The following CHRM2 variants were observed in gnomAD, a reference collection of about 807,000 sequenced individuals.
CHRM2 encodes the protein cholinergic receptor muscarinic 2.
CHRM2 carries 8 observed loss-of-function variants against 25.0 expected under a neutral mutation model. That is an observed-to-expected ratio of 0.32 (90% CI 0.19 to 0.58). The LOEUF (loss-of-function observed/expected upper bound fraction) is 0.58. Among genes scored for constraint, CHRM2 ranks in the 20% least tolerant of loss-of-function variants. CHRM2 has a pLI of 0.88. For synonymous variants in CHRM2, 202 were observed against 205.7 expected, an observed-to-expected ratio of 0.98 and a Z score of 0.15; for missense variants, 440 against 567.1, an observed-to-expected ratio of 0.78 and a Z score of 2.28.
At chr7:136,931,458 T>A (rs1189405147) in intron 2 of CHRM2, among the ~76,000 whole-genome samples, 3 of 152,196 alleles carry the variant, frequency 2.0e-5, no homozygotes, top group Non-Finnish European at 4.4e-5. Context: ...CCTGGAGCTA[T>A]GAAGATACCT....
Position 136,961,103 on chromosome 7 carries a change from C to T in CHRM2, c.-124-31084C>T, listed in dbSNP as rs144825896. Among the ~76,000 whole-genome samples, 6 of 151,480 alleles carry T rather than the reference C, an allele frequency of 4.0e-5. No individual in the cohort carries two copies. In the East Asian group the frequency reaches 5.8e-4, roughly 15 times the overall value. On this transcript the variant is annotated intron_variant, in intron 2 of 3. Transcript: ENST00000680005. ...TGGCGCCACTGCACTCCGGCCTGGA[C>T]GACAGAGCTAGACTTCATTAAAAAA...
chr7:136,887,571 C>G (rs901829193), intron 2 of CHRM2, among the ~76,000 whole-genome samples: 1 of 152,166 alleles, frequency 6.6e-6, no homozygotes, highest in South Asian at 2.1e-4. Flanking sequence ...ACAATTAATT[C>G]TCCAGAGAAG....
intron 3 of CHRM2, among the ~76,000 whole-genome samples, chr7:137,004,547 AAG>A (rs751672582): frequency 9.2e-5 from 14 of 152,200 alleles, no homozygotes; most frequent in South Asian, 2.1e-4. Context: ...AGGTCTTCGG[AAG>A]AGAGGGTGGG....
intron 2 of CHRM2, among the ~76,000 whole-genome samples, chr7:136,984,934 G>A (rs1036632020): frequency 6.6e-6 from 1 of 152,066 alleles, no homozygotes; most frequent in Non-Finnish European, 1.5e-5. Context: ...ATACATCAGT[G>A]TGCATTATGG....
At chr7:136,925,390 T>C (rs967847165) in intron 2 of CHRM2, among the ~76,000 whole-genome samples, 8 of 152,118 alleles carry the variant, frequency 5.3e-5, no homozygotes, top group Admixed American at 4.6e-4. Context: ...TTAGAGAAAT[T>C]TGGGGCTCAA....
intron 2 of CHRM2, among the ~76,000 whole-genome samples, chr7:136,898,509 G>T (rs944303644): frequency 3.6e-5 from 3 of 83,584 alleles, no homozygotes; most frequent in African/African-American, 4.9e-5. Flanking sequence ...ATGTGTGTTT[G>T]CATGTGTGTG....
intron 2 of CHRM2, among the ~76,000 whole-genome samples, chr7:136,939,355 T>G (rs530258233): frequency 3.9e-5 from 6 of 152,388 alleles, no homozygotes; most frequent in African/African-American, 1.4e-4. Context: ...CACTTGAGAT[T>G]AACAGACTTG....
chr7:136,968,414 G>T (rs1392498475), intron 2 of CHRM2, among the ~76,000 whole-genome samples: 1 of 151,400 alleles, frequency 6.6e-6, no homozygotes, highest in African/African-American at 2.4e-5. Flanking sequence ...GGGAACCCTT[G>T]TATGCTGTTG....
intron 2 of CHRM2, among the ~76,000 whole-genome samples, chr7:136,946,625 G>C (rs1800089624): frequency 6.6e-6 from 1 of 152,152 alleles, no homozygotes; most frequent in South Asian, 2.1e-4. Flanking sequence ...TCCCAATACA[G>C]AATGTATACT....
intron 2 of CHRM2, among the ~76,000 whole-genome samples, chr7:136,886,450 C>T (rs1796467789): frequency 6.6e-6 from 1 of 152,214 alleles, no homozygotes; most frequent in Non-Finnish European, 1.5e-5. Context: ...GACTCAGATT[C>T]TTGCCACTAG....
intron 2 of CHRM2, among the ~76,000 whole-genome samples, chr7:136,928,906 C>G (rs1798896104): frequency 2.6e-5 from 4 of 152,130 alleles, no homozygotes. Context: ...TAGCAGCTAT[C>G]TCACAGGGTT....
At chr7:136,947,944 T>C (rs1235608318) in intron 2 of CHRM2, among the ~76,000 whole-genome samples, 7 of 152,164 alleles carry the variant, frequency 4.6e-5, no homozygotes, top group Non-Finnish European at 1.0e-4. Flanking sequence ...AATTTGAGAA[T>C]GGCAGTGAAG....
At chr7:136,918,645 C>G (rs908871309) in intron 2 of CHRM2, among the ~76,000 whole-genome samples, 1 of 152,024 alleles carries the variant, frequency 6.6e-6, no homozygotes, top group South Asian at 2.1e-4. Context: ...AGGTTGGTCT[C>G]AAACTCCTGG....
In CHRM2 at chr7:136,961,081, C is replaced by T. The variant is rs151128948; in HGVS notation, c.-124-31106C>T. 5.8e-3 allele frequency among the ~76,000 whole-genome samples: 880 copies of T among 151,856 alleles called. 9 individuals carry two copies. The highest frequency in any genetic ancestry group is 0.02 in the African/African-American group (815 of 41,364). ...TGGAGATTGCAGCGAGCCAAGATGG[C>T]GCCACTGCACTCCGGCCTGGACGAC... On this transcript the variant is annotated intron_variant, in intron 2 of 3. Transcript: ENST00000680005.
chr7:137,007,215 A>G (rs4341110), intron 3 of CHRM2, among the ~76,000 whole-genome samples: 38,897 of 151,988 alleles, frequency 0.26, 5,966 homozygotes, highest in Non-Finnish European at 0.35. Flanking sequence ...GTTGCTTAGC[A>G]TGATATTGGG....
rs1805101673 is a variant in CHRM2, at chr7:137,015,377, T to G, written c.512T>G (p.Val171Gly). Residue 171 changes from valine (V) to glycine (G), a missense_variant, in exon 4 of 4, where the codon GTG becomes GGG. Physicochemically the swap from Val to Gly is moderately radical, Grantham distance 109 (BLOSUM62 -3). This residue lies in a region of CHRM2 where 261 missense variants were observed against 261.8 expected (regional missense o/e 1.00). Transcript: ENST00000680005. The surrounding 1 kb of genome is among the most constrained non-coding windows in gnomAD (Gnocchi z 5.1). ...FWQFIVGVRT[V>G]EDGECYIQFF... ...CAGTTCATTGTAGGGGTGAGAACTG[T>G]GGAGGATGGGGAGTGCTACATTCAG... 1 of 1,613,454 alleles carries G rather than the reference T, an allele frequency of 6.2e-7. No homozygotes were observed. The highest frequency in any genetic ancestry group is 8.5e-7 in the Non-Finnish European group (1 of 1,179,630).
chr7:136,983,157 T>C (rs1802601610), intron 2 of CHRM2, among the ~76,000 whole-genome samples: 3 of 152,314 alleles, frequency 2.0e-5, no homozygotes, highest in African/African-American at 7.2e-5. Flanking sequence ...TTCTTTTTAC[T>C]CTAATCTTGT....
chr7:136,994,521 C>CT (rs757243972), intron 3 of CHRM2, among the ~76,000 whole-genome samples: 1,932 of 71,402 alleles, frequency 0.027, 139 homozygotes, highest in Non-Finnish European at 0.038. Flanking sequence ...TTTTTCTTTT[C>CT]TTTTTTTTTT....
At chr7:136,934,041 G>A (rs1322173443) in intron 2 of CHRM2, among the ~76,000 whole-genome samples, 1 of 152,142 alleles carries the variant, frequency 6.6e-6, no homozygotes, top group East Asian at 1.9e-4. Context: ...CTCTGTGACT[G>A]TACTAAGAAA....
Sources: allele counts gnomAD v4.1 joint callset (sites outside exome capture counted in the v4.1 genomes callset), GRCh38; gene constraint gnomAD v4.1.1; regional missense constraint gnomAD v4.1.1; non-coding constraint Gnocchi (gnomAD v3.1); transcripts MANE v1.5; gene names NCBI Gene and HGNC (gene_info 2026-07-23, HGNC 2026-07-21).